DYNC1I1: variants seen among roughly 807,000 people sequenced by gnomAD.
DYNC1I1 encodes cytoplasmic dynein 1 intermediate chain 1.
A neutral mutation model predicts 86.6 loss-of-function variants in DYNC1I1; 43 were observed. The observed-to-expected ratio is 0.50, with a 90% confidence interval of 0.39 to 0.64. DYNC1I1 has a LOEUF of 0.64. Ranked by LOEUF, DYNC1I1 falls within the 30% of genes least tolerant of loss-of-function variation. The pLI is 0.00. For synonymous variants in DYNC1I1, 262 were observed against 283.7 expected (o/e 0.92, Z 0.77); for missense variants, 604 against 788.8 (o/e 0.77, Z 2.81).
intron 10 of DYNC1I1, among the ~76,000 whole-genome samples, chr7:96,011,621 T>C (rs912018894): frequency 6.6e-6 from 1 of 152,316 alleles, no homozygotes; most frequent in Admixed American, 6.5e-5. Flanking sequence ...AGTAAATCTG[T>C]GAATTTTGTC....
intron 10 of DYNC1I1, among the ~76,000 whole-genome samples, chr7:96,016,738 T>C (rs759685738): frequency 6.6e-6 from 1 of 152,202 alleles, no homozygotes; most frequent in Non-Finnish European, 1.5e-5. Flanking sequence ...GCTCTTTTTT[T>C]ACATGCTTGC....
chr7:95,783,132 C>T (rs1157534511), intron 1 of DYNC1I1, among the ~76,000 whole-genome samples: 2 of 152,136 alleles, frequency 1.3e-5, no homozygotes. Flanking sequence ...TTGCTGGGAA[C>T]CACCCTCTTC....
chr7:95,993,487 G>A (rs566513336), intron 9 of DYNC1I1, among the ~76,000 whole-genome samples: 1 of 152,292 alleles, frequency 6.6e-6, no homozygotes, highest in Admixed American at 6.5e-5. Context: ...CTTTTCACAT[G>A]TGACATAGTT....
At chr7:95,918,701 G>T (rs953839897) in intron 6 of DYNC1I1, among the ~76,000 whole-genome samples, 11 of 152,178 alleles carry the variant, frequency 7.2e-5, no homozygotes, top group Non-Finnish European at 1.5e-5. Flanking sequence ...TGAATGGAAG[G>T]TTGCTGAGGC....
At chr7:95,802,241 G>C (rs1339119495) in intron 1 of DYNC1I1, among the ~76,000 whole-genome samples, 1 of 151,994 alleles carries the variant, frequency 6.6e-6, no homozygotes. Context: ...TAATTTCACT[G>C]CCATCCCCTT....
rs561057492 is a variant in DYNC1I1 at position 96,074,492 on chromosome 7, A to C, written c.1510-1565A>C. Among the ~76,000 whole-genome samples the C allele has an allele frequency of 4.0e-5, 6 of 150,894 alleles. No homozygotes were observed. In the South Asian group the frequency reaches 1.3e-3, roughly 32 times the overall value. On this transcript the variant is annotated intron_variant, in intron 14 of 16. Coordinates refer to ENST00000447467, the MANE Select transcript of DYNC1I1 (RefSeq NM_001135556.2). Reference sequence around the variant, plus strand: ...CGTGAACCCGGGAGGCGGAGCTTGCAATGAGCCGAGATCGCGCCACTGCAC... The same window carrying C: ...CGTGAACCCGGGAGGCGGAGCTTGCCATGAGCCGAGATCGCGCCACTGCAC...
intron 10 of DYNC1I1, 99 bp from the exon 11 acceptor site, chr7:96,028,070 TCCAGGA>T: frequency 6.9e-7 from 1 of 1,444,402 alleles, no homozygotes; most frequent in Admixed American, 2.1e-5. Flanking sequence ...TTTTTTGTTT[TCCAGGA>T]TGTGTTGAGT....
intron 5 of DYNC1I1, among the ~76,000 whole-genome samples, chr7:95,850,376 T>TAGGAGGAATG: frequency 6.6e-6 from 1 of 152,200 alleles, no homozygotes; most frequent in East Asian, 1.9e-4. Flanking sequence ...GGAGGTGCAT[T>TAGGAGGAATG]CCTTCTATAC....
At chr7:95,949,488 A>T (rs898698754) in intron 6 of DYNC1I1, among the ~76,000 whole-genome samples, 2 of 152,342 alleles carry the variant, frequency 1.3e-5, no homozygotes, top group South Asian at 4.1e-4. Context: ...GTGACCATTA[A>T]CTTAAGCCTG....
chr7:95,853,566 T>C (rs1003568178), intron 5 of DYNC1I1, among the ~76,000 whole-genome samples: 3 of 152,218 alleles, frequency 2.0e-5, no homozygotes, highest in Non-Finnish European at 2.9e-5. Flanking sequence ...TAGGACTTTT[T>C]TTGTGGCCTA....
intron 6 of DYNC1I1, among the ~76,000 whole-genome samples, chr7:95,920,927 G>C (rs764695878): frequency 1.6e-4 from 25 of 152,156 alleles, no homozygotes; most frequent in Non-Finnish European, 3.5e-4. Flanking sequence ...GGATTGTCAT[G>C]ACTATCCTTG....
chr7:95,945,127 G>A (rs1259635847), intron 6 of DYNC1I1, among the ~76,000 whole-genome samples: 1 of 151,824 alleles, frequency 6.6e-6, no homozygotes, highest in African/African-American at 2.4e-5. Flanking sequence ...AGGATAGTGT[G>A]ATGTTAATCA....
rs536365278 is a variant in DYNC1I1 at position 95,938,924 on chromosome 7, T to G, written c.491-38588T>G. Among the ~76,000 whole-genome samples the G allele has an allele frequency of 2.9e-4, 44 of 152,234 alleles. 2 individuals carry two copies. The East Asian group carries it at 8.1e-3, about 28-fold the overall frequency. Reference sequence around the variant, plus strand: ...TTTTGGATCTTTCCTGCTTTCTCTTTTGGGCATTTAGTGCTATCAGATTCC... The same window carrying G: ...TTTTGGATCTTTCCTGCTTTCTCTTGTGGGCATTTAGTGCTATCAGATTCC... On this transcript the variant is annotated intron_variant, in intron 6 of 16. Transcript: ENST00000447467.
intron 14 of DYNC1I1, among the ~76,000 whole-genome samples, chr7:96,054,868 C>G (rs1238319804): frequency 6.6e-6 from 1 of 152,126 alleles, no homozygotes; most frequent in African/African-American, 2.4e-5. Context: ...GATATTAGCC[C>G]TTTGTCAGAT....
At chr7:96,110,194 T>G (rs566368696), downstream of DYNC1I1, 9 of 332,904 alleles carry the variant, frequency 2.7e-5, no homozygotes, top group South Asian at 2.1e-4. Context: ...GTTTTCTGTA[T>G]CCAAAGCTTT....
chr7:95,805,766 G>GT (rs1257672864), intron 2 of DYNC1I1, among the ~76,000 whole-genome samples: 3 of 152,116 alleles, frequency 2.0e-5, no homozygotes, highest in Non-Finnish European at 2.9e-5. Context: ...ACTTCGTGTG[G>GT]TATGATATGC....
At chr7:95,826,902 C>T (rs921347209) in intron 4 of DYNC1I1, among the ~76,000 whole-genome samples, 2 of 152,172 alleles carry the variant, frequency 1.3e-5, no homozygotes, top group Admixed American at 6.5e-5. Context: ...AAGATCACTG[C>T]AGGCCAGTTC....
chr7:95,788,072 C>A (rs148217128), intron 1 of DYNC1I1, among the ~76,000 whole-genome samples: 1 of 152,060 alleles, frequency 6.6e-6, no homozygotes, highest in African/African-American at 2.4e-5. Context: ...GCCATGGAGG[C>A]TATTACAAGG....
At chr7:95,845,712 G>A (rs1234461767) in intron 5 of DYNC1I1, among the ~76,000 whole-genome samples, 1 of 152,150 alleles carries the variant, frequency 6.6e-6, no homozygotes, top group Non-Finnish European at 1.5e-5. Flanking sequence ...ATGTATTTCA[G>A]AATCTATAAA....
Sources: allele counts gnomAD v4.1 joint callset (sites outside exome capture counted in the v4.1 genomes callset), GRCh38; gene constraint gnomAD v4.1.1; transcripts MANE v1.5; gene names NCBI Gene and HGNC (gene_info 2026-07-23, HGNC 2026-07-21).